Variants in ARHGEF18 observed in about 807,000 individuals in gnomAD.
ARHGEF18 encodes rho guanine nucleotide exchange factor 18.
Under a neutral mutation model 155.7 loss-of-function variants are expected in ARHGEF18, and 93 were observed. That is an observed-to-expected ratio of 0.60 (90% CI 0.50 to 0.71). The LOEUF is 0.71. Ranked by LOEUF, ARHGEF18 falls within the 30% of genes least tolerant of loss-of-function variation. The pLI is 0.00. For synonymous variants in ARHGEF18, 742 were observed against 753.1 expected (o/e 0.99, Z 0.24); for missense variants, 1,593 against 1,816.1 (o/e 0.88, Z 2.23).
intron 23 of ARHGEF18, among the ~76,000 whole-genome samples, chr19:7,465,805 G>A (rs1232920901): frequency 4.6e-5 from 7 of 152,186 alleles, no homozygotes; most frequent in Non-Finnish European, 1.0e-4. Flanking sequence ...TGATCCTTTG[G>A]CTGGGTGCGG....
chr19:7,432,758 A>C (rs758744579), intron 10 of ARHGEF18, among the ~76,000 whole-genome samples: 2 of 152,234 alleles, frequency 1.3e-5, no homozygotes, highest in Non-Finnish European at 2.9e-5. Flanking sequence ...AGGAATCTGC[A>C]ATTTAAGACA....
intron 3 of ARHGEF18, among the ~76,000 whole-genome samples, chr19:7,374,355 G>C (rs59042340): frequency 0.011 from 1,710 of 152,040 alleles, 33 homozygotes; most frequent in African/African-American, 0.038. Context: ...GCAAGTGACC[G>C]AGCATGCATG....
rs1420374442 is a variant in ARHGEF18, at chr19:7,440,157, C to T, written c.968-187C>T. 2 of 1,551,266 alleles carry T rather than the reference C, an allele frequency of 1.3e-6. No individual in the cohort carries two copies. Among genetic ancestry groups the T allele is most frequent in the Non-Finnish European group, 1.7e-6 (2 of 1,146,938 alleles). ...CAGGCACAGCGCGCTCCCCGGCCGC[C>T]CCGAGCTGTCTTTTTACGGCTCTTT... On this transcript the variant is annotated intron_variant, in intron 10 of 28. Coordinates refer to ENST00000668164, the MANE Select transcript of ARHGEF18 (RefSeq NM_001367823.1). This position sits in a 1 kb window ranked among gnomAD's most constrained non-coding sequence, Gnocchi z 5.4.
intron 10 of ARHGEF18, among the ~76,000 whole-genome samples, chr19:7,418,784 A>AG (rs1199376127): frequency 6.6e-6 from 1 of 152,012 alleles, no homozygotes; most frequent in East Asian, 1.9e-4. Flanking sequence ...TGTGGATTCA[A>AG]GGGGGAGAGA....
chr19:7,385,482 T>TATG (rs1970959152), intron 10 of ARHGEF18, among the ~76,000 whole-genome samples: 1 of 146,140 alleles, frequency 6.8e-6, no homozygotes, highest in Admixed American at 6.8e-5. Context: ...TTATTATTAT[T>TATG]ATTATTATTT....
At chr19:7,443,277 G>A (rs1306085751) in intron 13 of ARHGEF18, among the ~76,000 whole-genome samples, 2 of 151,960 alleles carry the variant, frequency 1.3e-5, no homozygotes, top group East Asian at 3.9e-4. Flanking sequence ...GGCTAGTCTC[G>A]GACTCCTGAC....
chr19:7,474,675 G>T (rs992370713), downstream of ARHGEF18, among the ~76,000 whole-genome samples: 4 of 151,840 alleles, frequency 2.6e-5, no homozygotes, highest in Admixed American at 2.6e-4. Flanking sequence ...ACCGCGCCTG[G>T]TCTATTTTTT....
intron 1 of ARHGEF18, chr19:7,355,694 T>C: frequency 1.0e-6 from 1 of 985,414 alleles, no homozygotes; most frequent in Middle Eastern, 5.2e-4. Context: ...GCGGTGGGCC[T>C]TCAAGAGAGG....
chr19:7,368,674 A>C (rs1344179627), intron 2 of ARHGEF18, among the ~76,000 whole-genome samples: 1 of 152,086 alleles, frequency 6.6e-6, no homozygotes, highest in Non-Finnish European at 1.5e-5. Context: ...GGCTGTCCTG[A>C]CGTGTTTATA....
intron 2 of ARHGEF18, among the ~76,000 whole-genome samples, chr19:7,363,265 T>C (rs998393618): frequency 1.3e-5 from 2 of 150,304 alleles, no homozygotes; most frequent in African/African-American, 4.9e-5. Context: ...GGTGGCTGGG[T>C]GGATGAATGG....
chr19:7,411,025 T>C (rs1332494557), intron 10 of ARHGEF18, among the ~76,000 whole-genome samples: 1 of 152,046 alleles, frequency 6.6e-6, no homozygotes, highest in African/African-American at 2.4e-5. Context: ...TTTCAGCATC[T>C]GCAATATCTA....
Position 7,402,188 on chromosome 19 carries a change from A to G in ARHGEF18, c.967+18985A>G, listed in dbSNP as rs371867168. Among the ~76,000 whole-genome samples, 6 of 152,292 alleles carry G rather than the reference A, an allele frequency of 3.9e-5. No individual in the cohort carries two copies. The South Asian group carries it at 6.2e-4, about 16-fold the overall frequency. ...GTAATCCCAGCACTTTGGGAGGCCA[A>G]GACGGGCAGATCACAACGTCAGGAG... On this transcript the variant is annotated intron_variant, in intron 10 of 28. Transcript: ENST00000668164.
chr19:7,431,510 CAAA>C (rs34609858), intron 10 of ARHGEF18, among the ~76,000 whole-genome samples: 86 of 51,274 alleles, frequency 1.7e-3, no homozygotes, highest in South Asian at 3.9e-3. Flanking sequence ...GACTCCATCT[CAAA>C]AAAAAAAAAA....
At chr19:7,459,809 A>G in intron 19 of ARHGEF18, 94 bp from the exon 20 acceptor site, 1 of 1,035,526 alleles carries the variant, frequency 9.7e-7, no homozygotes, top group Non-Finnish European at 1.4e-6. Context: ...AAAGTCAGAG[A>G]CGGTCGTGGC....
Position 7,441,287 on chromosome 19 carries a change from C to T in ARHGEF18, c.1107-366C>T, listed in dbSNP as rs540374656. 1.4e-4 allele frequency among the ~76,000 whole-genome samples: 21 copies of T among 150,606 alleles called. No homozygotes were observed. In the South Asian group the frequency reaches 4.2e-3, roughly 30 times the overall value. ...CTCCACCTCCCAGATTCAAGTGATT[C>T]CCCTACCTCAGCCTCCCAAGTAGCT... On this transcript the variant is annotated intron_variant, in intron 11 of 28. Transcript: ENST00000668164.
At chr19:7,415,859 T>C (rs1214959887) in intron 10 of ARHGEF18, among the ~76,000 whole-genome samples, 1 of 152,106 alleles carries the variant, frequency 6.6e-6, no homozygotes. Flanking sequence ...GATCGGATGG[T>C]AATTCTTTGT....
At position 7,467,599 on chromosome 19, in the gene ARHGEF18, G is replaced by A; in HGVS notation, c.3395G>A (p.Arg1132His). Residue 1132 changes from arginine (R) to histidine (H), a missense_variant, in exon 26 of 29, where the codon CGC (arginine) becomes CAC (histidine). Physicochemically the swap from Arg to His is conservative, Grantham distance 29 (BLOSUM62 0). Coordinates refer to ENST00000668164, the MANE Select transcript of ARHGEF18 (RefSeq NM_001367823.1). ...CGCGAGGCCCAGCGTGCCGTGGAGCGCGAGCGGGAGCGCCTGGAGCTGCTG... is the reference window on the plus strand; with the variant it reads ...CGCGAGGCCCAGCGTGCCGTGGAGCACGAGCGGGAGCGCCTGGAGCTGCTG... ...RLREAQRAVERERERLELLRR... is the reference protein window; with the variant it reads ...RLREAQRAVEHERERLELLRR... The A allele has an allele frequency of 3.3e-6, 5 of 1,508,630 alleles. No homozygotes were observed. The highest frequency in any genetic ancestry group is 4.4e-6 in the Non-Finnish European group (5 of 1,136,624). 93.5% of individuals were successfully genotyped at this position (1,508,630 alleles called of 1,614,324 possible). A position where few individuals can be genotyped will look rare whatever the true frequency, so the allele number is the denominator to read the frequency against.
chr19:7,360,109 G>C (rs12983472), intron 1 of ARHGEF18, among the ~76,000 whole-genome samples: 147,404 of 152,176 alleles, frequency 0.97, 71,433 homozygotes, highest in African/African-American at 0.99. Context: ...GAGCCAAGAT[G>C]GAACCACTCC....
At chr19:7,466,815 A>AGTT (rs1976639526) in intron 23 of ARHGEF18, 103 bp from the exon 24 acceptor site, 19 of 1,094,368 alleles carry the variant, frequency 1.7e-5, no homozygotes, top group Non-Finnish European at 2.2e-5. Flanking sequence ...AAAAAAAAAA[A>AGTT]AAAAAAAAAA....
Sources: gnomAD v4.1 joint callset for allele counts (sites outside exome capture counted in the v4.1 genomes callset) on GRCh38, gnomAD v4.1.1 for gene constraint, Gnocchi (gnomAD v3.1) non-coding constraint, MANE v1.5 for transcripts, NCBI Gene and HGNC (gene_info 2026-07-23, HGNC 2026-07-21) for gene names.